NRXN3: variants seen among roughly 807,000 people sequenced by gnomAD.
NRXN3 encodes neurexin 3.
In NRXN3, 32 loss-of-function variants were observed where a neutral mutation model predicts 137.6. That is an observed-to-expected ratio of 0.23 (90% CI 0.18 to 0.31). The LOEUF is 0.31. Among genes scored for constraint, NRXN3 ranks in the 10% least tolerant of loss-of-function variants. The probability of loss-of-function intolerance (pLI) is 1.00; values close to 1 mark genes in which losing one functional copy is unlikely to be tolerated. For missense variants in NRXN3, 1,574 were observed against 2,062.5 expected, an observed-to-expected ratio of 0.76 and a Z score of 4.59; for synonymous variants, 798 against 784.5, an observed-to-expected ratio of 1.02 and a Z score of -0.29.
At chr14:79,498,216 T>G (rs533292581) in intron 16 of NRXN3, among the ~76,000 whole-genome samples, 1 of 152,366 alleles carries the variant, frequency 6.6e-6, no homozygotes, top group African/African-American at 2.4e-5. Context: ...CATTAGTCAC[T>G]AATTCATCTC....
chr14:78,938,373 CT>C (rs2099346067), intron 10 of NRXN3, among the ~76,000 whole-genome samples: 2 of 152,178 alleles, frequency 1.3e-5, no homozygotes, highest in Non-Finnish European at 2.9e-5. Context: ...GATCATTCAG[CT>C]ATTTCCTTTA....
intron 8 of NRXN3, among the ~76,000 whole-genome samples, chr14:78,768,848 A>G (rs1480771080): frequency 6.6e-6 from 1 of 152,166 alleles, no homozygotes; most frequent in Non-Finnish European, 1.5e-5. Context: ...CTTCCACACC[A>G]TTCTCCCAGC....
At position 78,250,684 on chromosome 14, in the gene NRXN3, C is replaced by G. The variant is rs2068472504; in HGVS notation, c.709+6882C>G. On this transcript the variant is annotated intron_variant, in intron 2 of 20. Coordinates refer to ENST00000335750, the MANE Select transcript of NRXN3 (RefSeq NM_001330195.2). ...CCCACTGAATAGATGAGACCCAGAC[C>G]CTGAACGTGTCATGGGTGCAAGGGT... is the stretch of plus-strand genomic sequence containing the variant. Among the ~76,000 whole-genome samples the G allele has an allele frequency of 2.6e-5, 4 of 152,296 alleles. No homozygotes were observed. The East Asian group carries it at 7.7e-4, about 29-fold the overall frequency.
At chr14:78,884,742 T>A (rs1030185449) in intron 10 of NRXN3, among the ~76,000 whole-genome samples, 1 of 152,142 alleles carries the variant, frequency 6.6e-6, no homozygotes, top group Admixed American at 6.6e-5. Flanking sequence ...GTTAGTGAAG[T>A]GGTGAAGGGA....
chr14:79,243,912 C>T (rs1238466797), intron 15 of NRXN3, among the ~76,000 whole-genome samples: 2 of 152,072 alleles, frequency 1.3e-5, no homozygotes, highest in African/African-American at 4.8e-5. Context: ...ATCTGAACCC[C>T]TGCTCTCAGG....
chr14:78,344,100 G>T (rs993557811), intron 4 of NRXN3, among the ~76,000 whole-genome samples: 1 of 152,294 alleles, frequency 6.6e-6, no homozygotes, highest in East Asian at 1.9e-4. Flanking sequence ...GGGTCGAGAA[G>T]CACAGCATGT....
At chr14:78,666,707 C>T (rs2097889654) in intron 6 of NRXN3, among the ~76,000 whole-genome samples, 1 of 152,174 alleles carries the variant, frequency 6.6e-6, no homozygotes. Context: ...TACTGCCTCT[C>T]CCTCTGCCCC....
intron 4 of NRXN3, among the ~76,000 whole-genome samples, chr14:78,540,994 C>A (rs35681919): frequency 2.6e-5 from 4 of 152,016 alleles, no homozygotes; most frequent in Non-Finnish European, 4.4e-5. Context: ...TCTGCTGTTA[C>A]TCTCATGGGC....
intron 11 of NRXN3, among the ~76,000 whole-genome samples, chr14:78,959,132 T>C (rs1276719833): frequency 6.6e-6 from 1 of 152,156 alleles, no homozygotes; most frequent in Non-Finnish European, 1.5e-5. Context: ...TATAGTAAGA[T>C]ATGTACGTGC....
chr14:78,996,406 T>C (rs984132207), intron 15 of NRXN3, among the ~76,000 whole-genome samples: 1 of 152,180 alleles, frequency 6.6e-6, no homozygotes, highest in Non-Finnish European at 1.5e-5. Context: ...GACTGCAAAG[T>C]CTGGGCTCTG....
chr14:79,204,310 T>G (rs1293554523), intron 15 of NRXN3, among the ~76,000 whole-genome samples: 1 of 151,786 alleles, frequency 6.6e-6, no homozygotes, highest in Non-Finnish European at 1.5e-5. Flanking sequence ...TGCTTGGTTT[T>G]GTCTTTCTTT....
At chr14:79,641,024 T>C (rs1309633411) in intron 16 of NRXN3, among the ~76,000 whole-genome samples, 5 of 134,278 alleles carry the variant, frequency 3.7e-5, no homozygotes, top group African/African-American at 1.2e-4. Context: ...ACGTTTTTTT[T>C]TGAGACAGAG....
chr14:78,867,782 C>T (rs1468819655), intron 10 of NRXN3, among the ~76,000 whole-genome samples: 4 of 152,086 alleles, frequency 2.6e-5, no homozygotes, highest in Non-Finnish European at 4.4e-5. Flanking sequence ...TCCAATTATA[C>T]TTCCATGCAC....
intron 15 of NRXN3, chr14:79,201,065 C>T (rs954561539): frequency 6.6e-6 from 1 of 151,966 alleles, no homozygotes; most frequent in African/African-American, 2.4e-5. Flanking sequence ...AAATTCAGTT[C>T]CTAGGACTTG....
At chr14:78,276,274 G>C (rs768303953) in intron 2 of NRXN3, among the ~76,000 whole-genome samples, 4 of 152,182 alleles carry the variant, frequency 2.6e-5, no homozygotes, top group Non-Finnish European at 5.9e-5. Flanking sequence ...CCTTGCTTCT[G>C]TTCGCCCCCT....
intron 15 of NRXN3, among the ~76,000 whole-genome samples, chr14:79,066,562 T>C (rs982239127): frequency 6.6e-6 from 1 of 152,186 alleles, no homozygotes; most frequent in Admixed American, 6.6e-5. Flanking sequence ...ATTGAATCTA[T>C]AAATTACTTT....
chr14:78,449,808 G>T (rs1002688291), intron 4 of NRXN3, among the ~76,000 whole-genome samples: 24 of 152,144 alleles, frequency 1.6e-4, no homozygotes, highest in African/African-American at 5.6e-4. Flanking sequence ...TGCAAATAAG[G>T]CTCAAAAGGA....
chr14:78,203,020 G>A (rs1350686148), intron 1 of NRXN3, among the ~76,000 whole-genome samples: 2 of 152,204 alleles, frequency 1.3e-5, no homozygotes, highest in South Asian at 4.1e-4. Flanking sequence ...TCTGGCTGGG[G>A]ATGGGGCTTG....
chr14:78,491,964 G>T (rs1241561243), intron 4 of NRXN3, among the ~76,000 whole-genome samples: 1 of 152,172 alleles, frequency 6.6e-6, no homozygotes. Context: ...GACCAGGAAG[G>T]TGCTGAGATT....
Sources: gnomAD v4.1 joint callset for allele counts (sites outside exome capture counted in the v4.1 genomes callset) on GRCh38, gnomAD v4.1.1 for gene constraint, MANE v1.5 for transcripts, NCBI Gene and HGNC (gene_info 2026-07-23, HGNC 2026-07-21) for gene names.